The following ARMC1 variants were observed in gnomAD, a reference collection of about 807,000 sequenced individuals.
The protein encoded by ARMC1 is armadillo repeat-containing protein 1.
In ARMC1, 16 loss-of-function variants were observed where a neutral mutation model predicts 31.4. The observed-to-expected ratio is 0.51, with a 90% confidence interval of 0.34 to 0.77. ARMC1 has a LOEUF of 0.77. Among genes scored for constraint, ARMC1 ranks in the 30% least tolerant of loss-of-function variants. The pLI, the probability that ARMC1 is intolerant of heterozygous loss-of-function variation, is 0.01. For missense variants in ARMC1, 259 were observed against 347.5 expected, an observed-to-expected ratio of 0.75 and a Z score of 2.02; for synonymous variants, 114 against 118.9, an observed-to-expected ratio of 0.96 and a Z score of 0.27.
At chr8:65,619,802 G>T (rs1011309936) in intron 3 of ARMC1, among the ~76,000 whole-genome samples, 1 of 151,808 alleles carries the variant, frequency 6.6e-6, no homozygotes, top group South Asian at 2.1e-4. Context: ...TGGCCAACAT[G>T]GTCAAATCCT....
At chr8:65,619,894 G>A (rs1300326848) in intron 3 of ARMC1, among the ~76,000 whole-genome samples, 1 of 150,726 alleles carries the variant, frequency 6.6e-6, no homozygotes, top group Non-Finnish European at 1.5e-5. Context: ...TGAGGCAGGA[G>A]AACTGCTGGA....
At chr8:65,616,818 G>A (rs1182547725) in intron 3 of ARMC1, among the ~76,000 whole-genome samples, 8 of 150,034 alleles carry the variant, frequency 5.3e-5, no homozygotes, top group South Asian at 2.1e-4. Flanking sequence ...GTCTCTGCCC[G>A]GCCGCCCTGT....
At chr8:65,619,938 C>T (rs561106651) in intron 3 of ARMC1, among the ~76,000 whole-genome samples, 3 of 149,782 alleles carry the variant, frequency 2.0e-5, no homozygotes, top group East Asian at 2.0e-4. Flanking sequence ...GAACCAAGAT[C>T]GCGCCATTGC....
intron 4 of ARMC1, among the ~76,000 whole-genome samples, chr8:65,606,617 C>T (rs1808011115): frequency 6.6e-6 from 1 of 152,152 alleles, no homozygotes; most frequent in African/African-American, 2.4e-5. Flanking sequence ...CTTCAAAACA[C>T]AATATAACAT....
At chr8:65,630,667 A>C (rs1808623716) in intron 1 of ARMC1, among the ~76,000 whole-genome samples, 1 of 152,112 alleles carries the variant, frequency 6.6e-6, no homozygotes, top group Non-Finnish European at 1.5e-5. Context: ...AAAAATACAA[A>C]AATTAGCTGG....
At chr8:65,623,891 G>A (rs909940603) in intron 2 of ARMC1, among the ~76,000 whole-genome samples, 8 of 117,692 alleles carry the variant, frequency 6.8e-5, no homozygotes, top group African/African-American at 2.3e-4. Flanking sequence ...TCCACCCCCC[G>A]AGTTCAAGCG....
chr8:65,634,149 G>A lies in ARMC1; in HGVS notation c.-187C>T, dbSNP rs896941426. ...AACCGGACTAACTCAGGGAGCCAAA[G>A]AGCGAAGGCGCTGGCGGGCAAAGGC... On this transcript the variant is annotated 5_prime_UTR_variant, in exon 1 of 7. Coordinates refer to ENST00000276569, the MANE Select transcript of ARMC1 (RefSeq NM_018120.6). 1 of 152,336 alleles carries A rather than the reference G, an allele frequency of 6.6e-6. No homozygotes were observed. Among genetic ancestry groups the A allele is most frequent in the Non-Finnish European group, 1.5e-5 (1 of 68,106 alleles). 9.4% of individuals were successfully genotyped at this position (152,336 alleles called of 1,614,324 possible).
At chr8:65,611,159 C>T (rs1808131577) in intron 4 of ARMC1, among the ~76,000 whole-genome samples, 1 of 152,162 alleles carries the variant, frequency 6.6e-6, no homozygotes, top group South Asian at 2.1e-4. Flanking sequence ...GTCTCAAACT[C>T]CTGACCTCAA....
At chr8:65,610,614 G>A (rs949370965) in intron 4 of ARMC1, among the ~76,000 whole-genome samples, 3 of 151,834 alleles carry the variant, frequency 2.0e-5, no homozygotes, top group Admixed American at 6.6e-5. Context: ...AGAAAGACTT[G>A]AACCCAGGAG....
At chr8:65,619,111 CAG>C (rs1808338595) in intron 3 of ARMC1, among the ~76,000 whole-genome samples, 1 of 152,094 alleles carries the variant, frequency 6.6e-6, no homozygotes, top group South Asian at 2.1e-4. Context: ...CATTTGAAAA[CAG>C]GGATACAAAG....
chr8:65,624,554 T>C (rs2129043713), intron 2 of ARMC1, among the ~76,000 whole-genome samples: 1 of 150,414 alleles, frequency 6.6e-6, no homozygotes, highest in Non-Finnish European at 1.5e-5. Context: ...TAATTGACTG[T>C]TTAAGGCAAA....
chr8:65,605,892 G>A (rs982585311), intron 4 of ARMC1, among the ~76,000 whole-genome samples: 28 of 152,154 alleles, frequency 1.8e-4, no homozygotes, highest in Admixed American at 1.6e-3. Flanking sequence ...TCTAGCTCAC[G>A]GGTGGGGAAA....
At chr8:65,611,335 A>T (rs1033051028) in intron 4 of ARMC1, among the ~76,000 whole-genome samples, 3 of 152,072 alleles carry the variant, frequency 2.0e-5, no homozygotes, top group Admixed American at 6.6e-5. Flanking sequence ...GATCTGTCTG[A>T]CTAGAGGCTT....
At chr8:65,632,230 G>A (rs556355104) in intron 1 of ARMC1, among the ~76,000 whole-genome samples, 2 of 152,228 alleles carry the variant, frequency 1.3e-5, no homozygotes, top group East Asian at 3.9e-4. Context: ...CTTGAGCCTA[G>A]AAGTTCAAGA....
Position 65,604,501 on chromosome 8 carries a change from T to C in ARMC1, c.742A>G (p.Thr248Ala), listed in dbSNP as rs1807960098. Residue 248 changes from threonine to alanine, a missense_variant, in exon 7 of 7, where the codon ACA becomes GCA. By Grantham distance (58) the Thr-to-Ala change is moderately conservative (BLOSUM62 0). This residue lies in a region of ARMC1 where 73 missense variants were observed against 100.0 expected (regional missense o/e 0.73). Transcript: ENST00000276569. Reference protein sequence around the residue: ...PDYLPEDESPTKEQDKAVSRV... With the variant: ...PDYLPEDESPAKEQDKAVSRV... Reference sequence around the variant, plus strand: ...GACACCGCTTTGTCCTGTTCCTTTGTGGGACTCTCATCCTCAGGCAGGTAG... The same window carrying C: ...GACACCGCTTTGTCCTGTTCCTTTGCGGGACTCTCATCCTCAGGCAGGTAG... 1 of 1,614,068 alleles carries C rather than the reference T, an allele frequency of 6.2e-7. No homozygotes were observed. Among genetic ancestry groups the C allele is most frequent in the Admixed American group, 1.7e-5 (1 of 60,000 alleles).
chr8:65,619,560 C>T (rs183269678), intron 3 of ARMC1, among the ~76,000 whole-genome samples: 11 of 151,780 alleles, frequency 7.2e-5, no homozygotes, highest in South Asian at 2.1e-4. Context: ...AAGAAATTTT[C>T]GAGCAGCTGG....
At chr8:65,620,798 T>TAA (rs776508929) in intron 3 of ARMC1, among the ~76,000 whole-genome samples, 3 of 46,486 alleles carry the variant, frequency 6.5e-5, no homozygotes, top group Non-Finnish European at 1.2e-4. Context: ...TTAGTTCCAT[T>TAA]TAAAAAAAAA....
rs201008780 is a variant in ARMC1, at chr8:65,623,786, C to CTTTTTTTTTTTTTTTT, written c.184-1448_184-1433dup. Reference sequence around the variant, plus strand: ...ATGCCAGAAGACAACAAAGTAAAATCTTTTTTTTTTTTTTTTTTTTTTTTT... The same window carrying CTTTTTTTTTTTTTTTT: ...ATGCCAGAAGACAACAAAGTAAAATCTTTTTTTTTTTTTTTTTTTTTTTTTTTTTTTTTTTTTTTTT... On this transcript the variant is annotated intron_variant, in intron 2 of 6. Coordinates refer to ENST00000276569, the MANE Select transcript of ARMC1 (RefSeq NM_018120.6). 4.6e-4 allele frequency among the ~76,000 whole-genome samples: 12 copies of CTTTTTTTTTTTTTTTT among 26,086 alleles called. 3 individuals carry two copies. The highest frequency in any genetic ancestry group is 3.4e-3 in the East Asian group (3 of 876). The allele number at this position is 26,086 out of a possible 152,430, so 17.1% of individuals were successfully genotyped here.
At chr8:65,628,145 C>T (rs543221662) in intron 1 of ARMC1, among the ~76,000 whole-genome samples, 1 of 152,226 alleles carries the variant, frequency 6.6e-6, no homozygotes, top group East Asian at 1.9e-4. Flanking sequence ...AATAATTTGC[C>T]CCACATCACA....
Sources: allele counts gnomAD v4.1 joint callset (sites outside exome capture counted in the v4.1 genomes callset), GRCh38; gene constraint gnomAD v4.1.1; regional missense constraint gnomAD v4.1.1; transcripts MANE v1.5; gene names NCBI Gene and HGNC (gene_info 2026-07-23, HGNC 2026-07-21).